Variants in STARD13 observed in about 807,000 individuals in gnomAD.
STARD13 encodes StAR related lipid transfer domain containing 13, also known as stAR-related lipid transfer protein 13.
In STARD13, 62 loss-of-function variants were observed where a neutral mutation model predicts 106.4. The observed-to-expected ratio is 0.58, with a 90% confidence interval of 0.48 to 0.72. The LOEUF (loss-of-function observed/expected upper bound fraction) is 0.72, where lower values mean the gene tolerates loss of function less well. Ranked by LOEUF, STARD13 falls within the 30% of genes least tolerant of loss-of-function variation. The probability of loss-of-function intolerance (pLI) is 0.00; values close to 1 mark genes in which losing one functional copy is unlikely to be tolerated. For missense variants in STARD13, 1,387 were observed against 1,424.0 expected (o/e 0.97, Z 0.42); for synonymous variants, 565 against 553.0 (o/e 1.02, Z -0.31).
At chr13:33,642,481 G>T in the STARD13 span, among the ~76,000 whole-genome samples, 26 of 152,214 alleles carry the variant, frequency 1.7e-4, no homozygotes, top group Admixed American at 1.4e-3. Context: ...CAAGAGTCAG[G>T]CACTTCCTGT....
chr13:33,194,209 A>G (rs532131619), intron 1 of STARD13, among the ~76,000 whole-genome samples: 1 of 152,344 alleles, frequency 6.6e-6, no homozygotes, highest in East Asian at 1.9e-4. Flanking sequence ...GGCAATGAAC[A>G]CAGCACATGC....
intron 3 of STARD13, among the ~76,000 whole-genome samples, chr13:33,157,638 C>A (rs551593756): frequency 6.6e-6 from 1 of 152,260 alleles, no homozygotes; most frequent in Non-Finnish European, 1.5e-5. Context: ...CCACTGCACT[C>A]CAGCCTGGGT....
the STARD13 span, among the ~76,000 whole-genome samples, chr13:33,509,046 C>A: frequency 6.6e-6 from 1 of 152,140 alleles, no homozygotes; most frequent in African/African-American, 2.4e-5. Flanking sequence ...TTATTATAAT[C>A]TTATGGGATC....
At chr13:33,479,671 C>T in the STARD13 span, among the ~76,000 whole-genome samples, 1 of 152,116 alleles carries the variant, frequency 6.6e-6, no homozygotes, top group Non-Finnish European at 1.5e-5. Context: ...GAATTGTAAT[C>T]CCCAGTGTTG....
chr13:33,141,098 C>T (rs1316535906), intron 4 of STARD13, among the ~76,000 whole-genome samples: 1 of 152,044 alleles, frequency 6.6e-6, no homozygotes, highest in African/African-American at 2.4e-5. Context: ...TTTCTCTGAT[C>T]CTTCAAAATA....
At chr13:33,233,242 G>C (rs556252231) in intron 1 of STARD13, among the ~76,000 whole-genome samples, 3 of 152,188 alleles carry the variant, frequency 2.0e-5, no homozygotes, top group Non-Finnish European at 2.9e-5. Context: ...TCCTCTGATG[G>C]ATCCCCACCC....
chr13:33,349,809 C>T (rs1357290592), intron 1 of STARD13, among the ~76,000 whole-genome samples: 2 of 152,202 alleles, frequency 1.3e-5, no homozygotes, highest in African/African-American at 4.8e-5. Context: ...GGCTGGTCTG[C>T]GGCGCTTCGG....
intron 1 of STARD13, among the ~76,000 whole-genome samples, chr13:33,266,852 T>A (rs1890921309): frequency 6.6e-6 from 1 of 152,238 alleles, no homozygotes; most frequent in South Asian, 2.1e-4. Flanking sequence ...TTTTATATAA[T>A]TTTTGCATCA....
At chr13:33,487,654 T>A in the STARD13 span, among the ~76,000 whole-genome samples, 1,028 of 152,266 alleles carry the variant, frequency 6.8e-3, 12 homozygotes, top group African/African-American at 0.022. Context: ...ATCTTCCTTG[T>A]TCAAAAGTGT....
At chr13:33,184,184 C>T (rs1885529937) in intron 1 of STARD13, among the ~76,000 whole-genome samples, 1 of 152,320 alleles carries the variant, frequency 6.6e-6, no homozygotes, top group Middle Eastern at 3.4e-3. Context: ...ACTCTATGAT[C>T]TCTGGCCATC....
At chr13:33,316,225 A>G (rs1057290674) in intron 1 of STARD13, among the ~76,000 whole-genome samples, 1 of 152,090 alleles carries the variant, frequency 6.6e-6, no homozygotes, top group Non-Finnish European at 1.5e-5. Flanking sequence ...TATCTCTCAC[A>G]TGTGGTTTCC....
At chr13:33,159,968 A>C (rs1345449764) in intron 3 of STARD13, among the ~76,000 whole-genome samples, 2 of 152,240 alleles carry the variant, frequency 1.3e-5, no homozygotes, top group Non-Finnish European at 2.9e-5. Context: ...TTTTAAAATA[A>C]ATATCAATAA....
chr13:33,122,369 T>C (rs1027267284), intron 7 of STARD13, among the ~76,000 whole-genome samples: 1 of 152,202 alleles, frequency 6.6e-6, no homozygotes, highest in Non-Finnish European at 1.5e-5. Flanking sequence ...CAGGAGGGCA[T>C]AATGTTTTTC....
the STARD13 span, among the ~76,000 whole-genome samples, chr13:33,650,164 A>ATGTTTTTTTTTTTTTTTTTTTTTTTTTT: frequency 2.1e-5 from 1 of 48,358 alleles, no homozygotes; most frequent in Admixed American, 3.8e-4. Context: ...CGTGACTCCA[A>ATGTTTTTTTTTTTTTTTTTTTTTTTTTT]TTTTTTTTTT....
the STARD13 span, among the ~76,000 whole-genome samples, chr13:33,387,930 G>T: frequency 2.6e-5 from 4 of 152,180 alleles, no homozygotes; most frequent in African/African-American, 9.7e-5. Flanking sequence ...GGTCATTCTT[G>T]GGCTATGCCT....
chr13:33,571,293 G>A, the STARD13 span, among the ~76,000 whole-genome samples: 6 of 152,132 alleles, frequency 3.9e-5, no homozygotes, highest in Non-Finnish European at 8.8e-5. Context: ...AATTATCAAA[G>A]TGAGGAACTC....
At chr13:33,451,586 T>C in the STARD13 span, among the ~76,000 whole-genome samples, 144 of 152,290 alleles carry the variant, frequency 9.5e-4, 2 homozygotes, top group Non-Finnish European at 1.5e-3. Context: ...TTTACTTTTA[T>C]ACACATTGAG....
At chr13:33,422,924 C>A in the STARD13 span, among the ~76,000 whole-genome samples, 3 of 152,188 alleles carry the variant, frequency 2.0e-5, no homozygotes, top group South Asian at 6.2e-4. Flanking sequence ...CCCTTCCTTA[C>A]ACTTTATACA....
chr13:33,201,382 G>A (rs897195432), intron 1 of STARD13, among the ~76,000 whole-genome samples: 10 of 152,248 alleles, frequency 6.6e-5, no homozygotes, highest in African/African-American at 1.7e-4. Context: ...GATTATTTCC[G>A]GTATTCCTGT....
Sources: gnomAD v4.1 joint callset for allele counts (sites outside exome capture counted in the v4.1 genomes callset) on GRCh38, gnomAD v4.1.1 for gene constraint, MANE v1.5 for transcripts, NCBI Gene and HGNC (gene_info 2026-07-23, HGNC 2026-07-21) for gene names.